Variants in WDR35 observed in about 807,000 individuals in gnomAD.
WDR35 encodes the protein WD repeat-containing protein 35.
WDR35 carries 118 observed loss-of-function variants against 158.3 expected under a neutral mutation model. That is an observed-to-expected ratio of 0.75 (90% confidence interval 0.64 to 0.87). WDR35 has a LOEUF of 0.87. Ranked by LOEUF, WDR35 falls within the 40% of genes least tolerant of loss-of-function variation. The probability of loss-of-function intolerance (pLI) is 0.00; values close to 1 mark genes in which losing one functional copy is unlikely to be tolerated. For synonymous variants in WDR35, 448 were observed against 476.1 expected, an observed-to-expected ratio of 0.94 and a Z score of 0.77; for missense variants, 1,263 against 1,405.8, an observed-to-expected ratio of 0.90 and a Z score of 1.62.
intron 10 of WDR35, among the ~76,000 whole-genome samples, chr2:19,964,053 G>A (rs1311917810): frequency 6.6e-6 from 1 of 152,034 alleles, no homozygotes; most frequent in African/African-American, 2.4e-5. Flanking sequence ...TTACAGCTAT[G>A]GAATTCTAGT....
At chr2:19,981,070 C>T (rs180695198) in intron 3 of WDR35, among the ~76,000 whole-genome samples, 1 of 152,130 alleles carries the variant, frequency 6.6e-6, no homozygotes, top group African/African-American at 2.4e-5. Flanking sequence ...GAAACAAATA[C>T]AAGCATGGTT....
chr2:19,976,834 T>C (rs1457262613), intron 5 of WDR35, among the ~76,000 whole-genome samples: 21 of 146,120 alleles, frequency 1.4e-4, no homozygotes, highest in African/African-American at 3.8e-4. Flanking sequence ...TTTTTTTTTT[T>C]CCTGAGACAG....
In WDR35 at chr2:19,938,415, T is replaced by A. The variant is rs768327300; in HGVS notation, c.1927-14A>T. 1 of 1,613,098 alleles carries A rather than the reference T, an allele frequency of 6.2e-7. No individual in the cohort carries two copies. Among genetic ancestry groups the A allele is most frequent in the Non-Finnish European group, 8.5e-7 (1 of 1,179,712 alleles). On this transcript the variant is annotated splice_polypyrimidine_tract_variant and intron_variant, in intron 17 of 26. Coordinates refer to ENST00000281405, the MANE Select transcript of WDR35 (RefSeq NM_020779.4). Reference sequence around the variant, plus strand: ...ATGTTCTGGATCCTAAAAGTAAAGATGAAAACAAAAAAATTCAAATATTTG... The same window carrying A: ...ATGTTCTGGATCCTAAAAGTAAAGAAGAAAACAAAAAAATTCAAATATTTG...
intron 9 of WDR35, among the ~76,000 whole-genome samples, chr2:19,968,897 T>G (rs1308508506): frequency 6.6e-6 from 1 of 152,226 alleles, no homozygotes; most frequent in Non-Finnish European, 1.5e-5. Flanking sequence ...GCCGTGAGCC[T>G]TGGAGACTAG....
chr2:19,975,477 T>C (rs1672174501), intron 6 of WDR35, 53 bp downstream of exon 6: 1 of 1,559,298 alleles, frequency 6.4e-7, no homozygotes, highest in South Asian at 1.1e-5. Context: ...GAATGATATG[T>C]ACGATAATCA....
At chr2:19,927,396 G>A (rs1047822988) in intron 25 of WDR35, among the ~76,000 whole-genome samples, 3 of 152,196 alleles carry the variant, frequency 2.0e-5, no homozygotes, top group African/African-American at 7.2e-5. Context: ...GATTCCTATG[G>A]AATCATTATT....
rs138776331 is a variant in WDR35 at position 19,986,179 on chromosome 2, T to C, written c.142+2986A>G. ...TGAGCAAATGAGTGAAATGGAGATA[T>C]TTGCTGAAATGGAGAGAATTGAAAG... On this transcript the variant is annotated intron_variant, in intron 2 of 26. Transcript: ENST00000281405. 9.1e-4 allele frequency among the ~76,000 whole-genome samples: 138 copies of C among 152,252 alleles called. 1 individual carries two copies. The highest frequency in any genetic ancestry group is 3.1e-3 in the African/African-American group (127 of 41,534).
intron 16 of WDR35, among the ~76,000 whole-genome samples, chr2:19,942,454 T>C (rs1670909252): frequency 6.6e-6 from 1 of 152,136 alleles, no homozygotes; most frequent in African/African-American, 2.4e-5. Flanking sequence ...TCTCTTATCT[T>C]AGTGTTATAC....
chr2:19,980,509 A>T (rs1672350947), intron 4 of WDR35, among the ~76,000 whole-genome samples, 182 bp downstream of exon 4: 1 of 152,202 alleles, frequency 6.6e-6, no homozygotes, highest in African/African-American at 2.4e-5. Context: ...AACAGGGTTA[A>T]AGTTTTAAAA....
chr2:19,962,363 G>A, intron 10 of WDR35: 1 of 1,610,390 alleles, frequency 6.2e-7, no homozygotes, highest in East Asian at 2.2e-5. Context: ...GAGAAATTCA[G>A]AAAAATTCAG....
chr2:19,935,505 G>C lies in WDR35; in HGVS notation c.2513C>G (p.Ala838Gly), dbSNP rs770514771. The change falls in exon 21 of 27, where the codon GCC becomes GGC. Residue 838 changes from alanine (A) to glycine (G), a missense_variant. Ala to Gly is a moderately conservative substitution (Grantham distance 60, BLOSUM62 0). Coordinates refer to ENST00000281405, the MANE Select transcript of WDR35 (RefSeq NM_020779.4). ...LEDYEGLENL[A>G]ISLPENHKLL... is the part of the protein sequence containing the mutation. ...CTTGTGGTTTTCTGGAAGTGAAATGGCAAGGTTCTCTAACCCTTCATAATC... is the reference window on the plus strand; with the variant it reads ...CTTGTGGTTTTCTGGAAGTGAAATGCCAAGGTTCTCTAACCCTTCATAATC... The C allele has an allele frequency of 3.1e-6, 5 of 1,612,762 alleles. No individual in the cohort carries two copies. The African/African-American group carries it at 6.7e-5, about 22-fold the overall frequency.
chr2:19,933,365 CAA>C, intron 22 of WDR35, 34 bp downstream of exon 22: 1 of 1,557,396 alleles, frequency 6.4e-7, no homozygotes, highest in Non-Finnish European at 8.9e-7. Flanking sequence ...ATTCCTAAGA[CAA>C]TAAGCTGCAC....
intron 10 of WDR35, among the ~76,000 whole-genome samples, chr2:19,966,483 AG>A (rs1272193160): frequency 6.6e-6 from 1 of 152,210 alleles, no homozygotes; most frequent in Non-Finnish European, 1.5e-5. Flanking sequence ...AGAAACAAAA[AG>A]CTTCAGTATT....
At chr2:19,930,066 T>TAA (rs1329463537) in intron 25 of WDR35, among the ~76,000 whole-genome samples, 2 of 149,588 alleles carry the variant, frequency 1.3e-5, no homozygotes, top group African/African-American at 4.9e-5. Flanking sequence ...ATATATGTAT[T>TAA]AAATATATTT....
intron 10 of WDR35, among the ~76,000 whole-genome samples, chr2:19,961,090 T>C (rs953361995): frequency 6.6e-5 from 10 of 152,158 alleles, no homozygotes; most frequent in Admixed American, 3.3e-4. Context: ...CAAAGAAACA[T>C]TAATTCTGCT....
At chr2:19,981,618 A>G (rs1672384459) in intron 3 of WDR35, among the ~76,000 whole-genome samples, 1 of 152,130 alleles carries the variant, frequency 6.6e-6, no homozygotes, top group Non-Finnish European at 1.5e-5. Flanking sequence ...CATGAGCTCA[A>G]GCGATCCTCC....
At position 19,926,246 on chromosome 2, in the gene WDR35, C is replaced by T. The variant is rs186901228; in HGVS notation, c.3121+4150G>A. On this transcript the variant is annotated intron_variant, in intron 25 of 26. Transcript: ENST00000281405. The stretch of plus-strand genomic sequence containing the variant: ...TTTAAAATACTGTTTCTTTACTATC[C>T]CCTTAGCTGAGCAAGACTGTGAACA... 5.2e-3 allele frequency among the ~76,000 whole-genome samples: 786 copies of T among 152,330 alleles called. 12 individuals carry two copies. The highest frequency in any genetic ancestry group is 0.018 in the African/African-American group (759 of 41,570).
chr2:19,967,298 T>G (rs1671887458), intron 9 of WDR35, among the ~76,000 whole-genome samples: 1 of 152,198 alleles, frequency 6.6e-6, no homozygotes, highest in Non-Finnish European at 1.5e-5. Flanking sequence ...CTTTGCCTTT[T>G]TACCCCCATC....
At chr2:19,989,620 C>A (rs986574319) in intron 1 of WDR35, among the ~76,000 whole-genome samples, 1 of 152,208 alleles carries the variant, frequency 6.6e-6, no homozygotes, top group Admixed American at 6.5e-5. Context: ...CTTAGGCTAT[C>A]CTATTGTTAT....
Sources: gnomAD v4.1 joint callset for allele counts (sites outside exome capture counted in the v4.1 genomes callset) on GRCh38, gnomAD v4.1.1 for gene constraint, MANE v1.5 for transcripts, NCBI Gene and HGNC (gene_info 2026-07-23, HGNC 2026-07-21) for gene names.